Variants in SPTAN1 observed in about 807,000 individuals in gnomAD.
SPTAN1 encodes spectrin alpha, non-erythrocytic 1.
SPTAN1 carries 61 observed loss-of-function variants against 331.3 expected under a neutral mutation model. The ratio of observed to expected loss-of-function variants is 0.18; its 90% CI spans 0.15 to 0.23. SPTAN1 has a LOEUF of 0.23. Among genes scored for constraint, SPTAN1 ranks in the 10% least tolerant of loss-of-function variants. The pLI is 1.00. For synonymous variants in SPTAN1, 1,153 were observed against 1,173.9 expected, an observed-to-expected ratio of 0.98 and a Z score of 0.36; for missense variants, 2,043 against 3,147.9, an observed-to-expected ratio of 0.65 and a Z score of 8.40.
chr9:128,583,924 C>T lies in SPTAN1; in HGVS notation c.2148C>T (p.Leu716=), dbSNP rs1852249679. 2 of 1,614,050 alleles carry T rather than the reference C, an allele frequency of 1.2e-6. No individual in the cohort carries two copies. Among genetic ancestry groups the T allele is most frequent in the Admixed American group, 1.7e-5 (1 of 59,996 alleles). ...YGKDLTNVQN[L]QKKHALLEAD... ...AAGATCTTACCAATGTGCAGAACCT[C>T]CAGAAGAAACATGCACTGCTAGAGG... The change falls in exon 16 of 57, where the codon CTC becomes CTT. Residue 716 remains leucine, a synonymous_variant. Transcript: ENST00000372739.
At chr9:128,613,897 C>G (rs1415305321) in intron 40 of SPTAN1, among the ~76,000 whole-genome samples, 1 of 151,740 alleles carries the variant, frequency 6.6e-6, no homozygotes, top group Admixed American at 6.6e-5. Flanking sequence ...CCCAGGTACT[C>G]AGGCGACTGA....
At chr9:128,583,019 A>T (rs1852143107) in intron 14 of SPTAN1, 58 bp from the exon 15 acceptor site, 1 of 1,595,922 alleles carries the variant, frequency 6.3e-7, no homozygotes, top group Non-Finnish European at 8.6e-7. Flanking sequence ...AAGGTAGTGC[A>T]AGGGAACTTG....
At chr9:128,615,885 G>A in intron 41 of SPTAN1, 45 bp downstream of exon 41, 7 of 1,599,246 alleles carry the variant, frequency 4.4e-6, no homozygotes, top group Non-Finnish European at 6.0e-6. Context: ...GCCTGTAATA[G>A]TGGGCAGCAG....
chr9:128,601,874 T>G (rs1472843245), intron 27 of SPTAN1, among the ~76,000 whole-genome samples: 1 of 152,198 alleles, frequency 6.6e-6, no homozygotes, highest in Admixed American at 6.5e-5. Context: ...AGTAGATTTC[T>G]AACTGGGCCA....
chr9:128,590,679 G>A (rs182887964), intron 21 of SPTAN1, among the ~76,000 whole-genome samples: 6 of 151,608 alleles, frequency 4.0e-5, no homozygotes, highest in East Asian at 3.9e-4. Flanking sequence ...GTGAAACCCC[G>A]TCTCTACTAA....
intron 1 of SPTAN1, among the ~76,000 whole-genome samples, chr9:128,565,330 T>G (rs938666318): frequency 1.3e-5 from 2 of 152,072 alleles, no homozygotes; most frequent in Admixed American, 1.3e-4. Flanking sequence ...CCATAAAAGA[T>G]TTGGGAGTGG....
chr9:128,597,842 G>T (rs1165391197), intron 24 of SPTAN1, among the ~76,000 whole-genome samples: 1 of 151,824 alleles, frequency 6.6e-6, no homozygotes, highest in Non-Finnish European at 1.5e-5. Context: ...GTAGAGACGG[G>T]GTTTCACCAT....
rs373006510 is a variant in SPTAN1, at chr9:128,603,508, G to A, written c.3580-35G>A. ...TCAGATCTCTAATTGCCAGACACTTGATTAGTTTTGCCTTCTGCTTTCCTC... is the reference window on the plus strand; with the variant it reads ...TCAGATCTCTAATTGCCAGACACTTAATTAGTTTTGCCTTCTGCTTTCCTC... On this transcript the variant is annotated intron_variant, in intron 27 of 56. Transcript: ENST00000372739. The A allele has an allele frequency of 3.8e-5, 61 of 1,613,610 alleles. No homozygotes were observed. In the South Asian group the frequency reaches 6.6e-4, roughly 17 times the overall value.
At chr9:128,599,884 G>A in intron 26 of SPTAN1, 196 bp from the exon 27 acceptor site, 1 of 627,370 alleles carries the variant, frequency 1.6e-6, no homozygotes. Flanking sequence ...TCTCTCCCCT[G>A]TTTGTTGGCT....
chr9:128,622,282 C>T (rs991769695), intron 45 of SPTAN1, among the ~76,000 whole-genome samples: 5 of 147,442 alleles, frequency 3.4e-5, no homozygotes, highest in Admixed American at 6.8e-5. Context: ...CTCCTGGCAA[C>T]GAGCCAGCTG....
intron 9 of SPTAN1, 151 bp downstream of exon 9, chr9:128,578,396 G>T: frequency 9.5e-7 from 1 of 1,048,004 alleles, no homozygotes; most frequent in South Asian, 1.4e-5. Flanking sequence ...TTTGCCTTTG[G>T]AGACCTGGTC....
chr9:128,603,539 C>T lies in SPTAN1; in HGVS notation c.3580-4C>T. On this transcript the variant is annotated splice_region_variant and splice_polypyrimidine_tract_variant and intron_variant, in intron 27 of 56. Transcript: ENST00000372739. ...TTTTGCCTTCTGCTTTCCTCCCTAC[C>T]TAGTCTGCTCGTCTGATGGTTCACA... 1 of 1,614,198 alleles carries T rather than the reference C, an allele frequency of 6.2e-7. No homozygotes were observed. Among genetic ancestry groups the T allele is most frequent in the South Asian group, 1.1e-5 (1 of 91,086 alleles).
At chr9:128,633,033 G>A in intron 56 of SPTAN1, 78 bp downstream of exon 56, 1 of 1,600,076 alleles carries the variant, frequency 6.2e-7, no homozygotes, top group Non-Finnish European at 8.5e-7. Flanking sequence ...TGAGTCTGGG[G>A]TAACAGGCCC....
At chr9:128,599,019 C>T (rs1328598977) in intron 26 of SPTAN1, 33 bp downstream of exon 26, 2 of 1,607,460 alleles carry the variant, frequency 1.2e-6, no homozygotes, top group Admixed American at 1.7e-5. Context: ...GGATCTTGAA[C>T]ATGAGAAGGA....
intron 45 of SPTAN1, among the ~76,000 whole-genome samples, chr9:128,622,737 GTTTA>G (rs111521146): frequency 2.6e-4 from 40 of 151,278 alleles, no homozygotes; most frequent in Non-Finnish European, 2.5e-4. Flanking sequence ...TTGTAGTATG[GTTTA>G]TTTATTTATT....
rs899998696 is a variant in SPTAN1 at position 128,585,801 on chromosome 9, T to C, written c.2614T>C (p.Trp872Arg). 1.2e-6 allele frequency: 2 copies of C among 1,613,986 alleles called. No homozygotes were observed. The highest frequency in any genetic ancestry group is 2.7e-5 in the African/African-American group (2 of 74,882). ...KAKLHELNQK[W>R]EALKAKASQR... ...CAAGCTTCACGAGCTGAACCAAAAGTGGGAGGCACTGAAAGCCAAAGCTTC... is the reference window on the plus strand; with the variant it reads ...CAAGCTTCACGAGCTGAACCAAAAGCGGGAGGCACTGAAAGCCAAAGCTTC... Residue 872 changes from tryptophan (W) to arginine (R), a missense_variant, in exon 19 of 57, where the codon TGG becomes CGG. Trp to Arg is a moderately radical substitution (Grantham distance 101). Around this residue, in one of 12 missense-constraint regions of SPTAN1, gnomAD observed 1,038 missense variants for 1,531.5 expected, o/e 0.68. Coordinates refer to ENST00000372739, the MANE Select transcript of SPTAN1 (RefSeq NM_001130438.3).
intron 1 of SPTAN1, among the ~76,000 whole-genome samples, chr9:128,565,444 G>A (rs779587514): frequency 6.6e-5 from 10 of 152,072 alleles, no homozygotes; most frequent in Non-Finnish European, 1.3e-4. Flanking sequence ...TAATTTAAAG[G>A]AATGGTGATA....
chr9:128,553,325 T>G (rs905584782), intron 1 of SPTAN1: 9 of 152,256 alleles, frequency 5.9e-5, no homozygotes, highest in African/African-American at 2.2e-4. Flanking sequence ...ATAAACATTT[T>G]TCTTTCTTCC....
intron 21 of SPTAN1, 150 bp downstream of exon 21, chr9:128,589,093 C>T (rs1853079663): frequency 1.8e-6 from 2 of 1,130,670 alleles, no homozygotes; most frequent in East Asian, 2.6e-5. Flanking sequence ...ACGTGACATA[C>T]ATTTATGCAG....
Sources: allele counts gnomAD v4.1 joint callset (sites outside exome capture counted in the v4.1 genomes callset), GRCh38; gene constraint gnomAD v4.1.1; regional missense constraint gnomAD v4.1.1; transcripts MANE v1.5; gene names NCBI Gene and HGNC (gene_info 2026-07-23, HGNC 2026-07-21).